ZNF407: variants seen among roughly 807,000 people sequenced by gnomAD.
ZNF407 encodes the protein zinc finger protein 407.
Under a neutral mutation model 131.2 loss-of-function variants are expected in ZNF407, and 17 were observed. The ratio of observed to expected loss-of-function variants is 0.13; its 90% CI spans 0.09 to 0.19. ZNF407 has a LOEUF of 0.19. Ranked by LOEUF, ZNF407 falls within the 10% of genes least tolerant of loss-of-function variation. The pLI is 1.00. For missense variants in ZNF407, 2,681 were observed against 2,830.6 expected (o/e 0.95, Z 1.20); for synonymous variants, 1,156 against 1,062.0 (o/e 1.09, Z -1.72).
chr18:74,734,757 TA>T (rs1968375671), intron 3 of ZNF407, among the ~76,000 whole-genome samples: 1 of 151,884 alleles, frequency 6.6e-6, no homozygotes, highest in Non-Finnish European at 1.5e-5. Context: ...TCGGGTGTTC[TA>T]GGTTGACATG....
chr18:74,698,225 A>T (rs1293437438), intron 3 of ZNF407, among the ~76,000 whole-genome samples: 1 of 152,242 alleles, frequency 6.6e-6, no homozygotes, highest in Non-Finnish European at 1.5e-5. Flanking sequence ...ATATTAACTA[A>T]AACTAAGGAC....
rs141408794 is a variant in ZNF407, at chr18:74,938,104, G to A, written c.5428+17412G>A. On this transcript the variant is annotated intron_variant, in intron 8 of 8. Coordinates refer to ENST00000299687, the MANE Select transcript of ZNF407 (RefSeq NM_017757.3). ...CCCAGCGCATTATGCTTATGAGCGGGCCCCATAAAATTCAGAATTCTTACA... is the reference window on the plus strand; with the variant it reads ...CCCAGCGCATTATGCTTATGAGCGGACCCCATAAAATTCAGAATTCTTACA... Among the ~76,000 whole-genome samples the A allele has an allele frequency of 2.1e-3, 324 of 152,192 alleles. 2 individuals are homozygous for A. The highest frequency in any genetic ancestry group is 7.1e-3 in the African/African-American group (294 of 41,528).
At chr18:74,809,384 T>G (rs761213875) in intron 4 of ZNF407, among the ~76,000 whole-genome samples, 43 of 152,262 alleles carry the variant, frequency 2.8e-4, no homozygotes, top group Non-Finnish European at 5.9e-4. Context: ...CTATGCCTAA[T>G]GTCATGCTTT....
At chr18:74,640,217 CTA>C (rs1187526286) in intron 2 of ZNF407, among the ~76,000 whole-genome samples, 2 of 152,038 alleles carry the variant, frequency 1.3e-5, no homozygotes, top group Non-Finnish European at 2.9e-5. Flanking sequence ...TCAATCTTAT[CTA>C]TTACTGACAC....
At chr18:74,937,164 C>T (rs117502089) in intron 8 of ZNF407, among the ~76,000 whole-genome samples, 2,269 of 152,256 alleles carry the variant, frequency 0.015, 32 homozygotes, top group Middle Eastern at 0.027. Flanking sequence ...AGCCATATGG[C>T]TTCTGTTCTC....
rs780844099 is a variant in ZNF407 at position 75,064,732 on chromosome 18, G to T, written c.*264G>T. 76 of 385,910 alleles carry T rather than the reference G, an allele frequency of 2.0e-4. No individual in the cohort carries two copies. Among genetic ancestry groups the T allele is most frequent in the Non-Finnish European group, 3.2e-4 (68 of 215,084 alleles). The allele number at this position is 385,910 out of a possible 1,614,324, so 23.9% of individuals were successfully genotyped here. On this transcript the variant is annotated 3_prime_UTR_variant, in exon 9 of 9. Coordinates refer to ENST00000299687, the MANE Select transcript of ZNF407 (RefSeq NM_017757.3). Reference sequence around the variant, plus strand: ...GCCGCACAGGGAGCTCCGGTCCACTGGGGGCCCTTCGATCAGTGGCCTCCC... The same window carrying T: ...GCCGCACAGGGAGCTCCGGTCCACTTGGGGCCCTTCGATCAGTGGCCTCCC...
intron 8 of ZNF407, among the ~76,000 whole-genome samples, chr18:74,921,464 C>T (rs1419853270): frequency 1.3e-5 from 2 of 152,166 alleles, no homozygotes; most frequent in African/African-American, 4.8e-5. Context: ...TTAGCCCAAG[C>T]AGCAGAGTTT....
chr18:75,013,279 C>T (rs1487216505), intron 8 of ZNF407, among the ~76,000 whole-genome samples: 2 of 152,016 alleles, frequency 1.3e-5, no homozygotes, highest in Admixed American at 6.6e-5. Context: ...TCGTTTTTCT[C>T]TTTCTTAGAA....
intron 8 of ZNF407, among the ~76,000 whole-genome samples, chr18:74,951,320 G>A (rs1972211279): frequency 6.6e-6 from 1 of 152,228 alleles, no homozygotes; most frequent in African/African-American, 2.4e-5. Context: ...TGCCCTTGGT[G>A]TGGGGCCAAG....
At chr18:75,041,016 C>T (rs1973366147) in intron 8 of ZNF407, among the ~76,000 whole-genome samples, 2 of 152,200 alleles carry the variant, frequency 1.3e-5, no homozygotes, top group Admixed American at 1.3e-4. Context: ...AACAAGGGTT[C>T]TTCCCCGTGT....
chr18:74,935,924 T>C (rs1426277089), intron 8 of ZNF407, among the ~76,000 whole-genome samples: 2 of 152,220 alleles, frequency 1.3e-5, no homozygotes, highest in African/African-American at 4.8e-5. Flanking sequence ...TCCATCCATA[T>C]TTCTGGCCTT....
chr18:74,619,409 C>G (rs1983431781), intron 1 of ZNF407, among the ~76,000 whole-genome samples: 1 of 152,144 alleles, frequency 6.6e-6, no homozygotes, highest in Non-Finnish European at 1.5e-5. Flanking sequence ...TTATATGTTT[C>G]TTTAATTTTA....
chr18:74,663,630 C>T (rs959973188), intron 3 of ZNF407, among the ~76,000 whole-genome samples: 4 of 152,110 alleles, frequency 2.6e-5, no homozygotes, highest in Non-Finnish European at 4.4e-5. Context: ...GTTTAAAGGC[C>T]TGCTGCATTT....
chr18:74,783,109 T>A (rs1969639011), intron 4 of ZNF407, among the ~76,000 whole-genome samples: 1 of 152,222 alleles, frequency 6.6e-6, no homozygotes, highest in Non-Finnish European at 1.5e-5. Flanking sequence ...TTGCTATGTT[T>A]TCATTGCTTT....
At chr18:74,721,861 C>T (rs557822083) in intron 3 of ZNF407, among the ~76,000 whole-genome samples, 1 of 152,204 alleles carries the variant, frequency 6.6e-6, no homozygotes, top group East Asian at 1.9e-4. Context: ...TTTACTTCCC[C>T]TTTATTATTT....
rs140326535 is a variant in ZNF407, at chr18:74,939,513, G to T, written c.5428+18821G>T. Among the ~76,000 whole-genome samples, 8 of 152,230 alleles carry T rather than the reference G, an allele frequency of 5.3e-5. No homozygotes were observed. In the East Asian group the frequency reaches 1.5e-3, roughly 29 times the overall value. ...ACCTCCTTTGATTTTTTAAAAGACGGATCTGAATAGGCAATTTAAAATGCA... is the reference window on the plus strand; with the variant it reads ...ACCTCCTTTGATTTTTTAAAAGACGTATCTGAATAGGCAATTTAAAATGCA... On this transcript the variant is annotated intron_variant, in intron 8 of 8. Coordinates refer to ENST00000299687, the MANE Select transcript of ZNF407 (RefSeq NM_017757.3).
At chr18:74,619,651 A>AC (rs1256967770) in intron 1 of ZNF407, among the ~76,000 whole-genome samples, 32 of 152,248 alleles carry the variant, frequency 2.1e-4, no homozygotes, top group South Asian at 2.1e-4. Context: ...TAGTGAATAG[A>AC]CCGTTTAAAC....
rs373890417 is a variant in ZNF407 at position 74,632,928 on chromosome 18, G to A, written c.1909G>A (p.Glu637Lys). 2.0e-5 allele frequency: 32 copies of A among 1,612,884 alleles called. No homozygotes were observed. Among genetic ancestry groups the A allele is most frequent in the African/African-American group, 1.1e-4 (8 of 74,768 alleles). Residue 637 changes from glutamate (E) to lysine (K), a missense_variant, in exon 2 of 9, where the codon GAG becomes AAG. Around this residue, in one of 6 missense-constraint regions of ZNF407, gnomAD observed 1,789 missense variants for 1,748.7 expected, o/e 1.02. Coordinates refer to ENST00000299687, the MANE Select transcript of ZNF407 (RefSeq NM_017757.3). ...AGATGTGGAAGAACACAAAGCCACC[G>A]AGAAGCATATTAATTCATTGGTTCA... ...EKDVEEHKATEKHINSLVQPK... is the reference protein window; with the variant it reads ...EKDVEEHKATKKHINSLVQPK...
intron 4 of ZNF407, among the ~76,000 whole-genome samples, chr18:74,868,920 T>TTTATTTATAGG (rs1337395464): frequency 6.6e-6 from 1 of 152,228 alleles, no homozygotes; most frequent in African/African-American, 2.4e-5. Flanking sequence ...ATGTATTTTA[T>TTTATTTATAGG]TTATTTATAG....
Sources: gnomAD v4.1 joint callset for allele counts (sites outside exome capture counted in the v4.1 genomes callset) on GRCh38, gnomAD v4.1.1 for gene constraint, gnomAD v4.1.1 regional missense constraint, MANE v1.5 for transcripts, NCBI Gene and HGNC (gene_info 2026-07-23, HGNC 2026-07-21) for gene names.